Variants in CEP112 observed in about 807,000 individuals in gnomAD.
CEP112 encodes centrosomal protein 112, also known as centrosomal protein of 112 kDa.
A neutral mutation model predicts 153.0 loss-of-function variants in CEP112; 127 were observed. The observed-to-expected ratio is 0.83, with a 90% confidence interval of 0.72 to 0.96. The LOEUF is 0.96. Among genes scored for constraint, CEP112 ranks in the 40% least tolerant of loss-of-function variants. The probability of loss-of-function intolerance (pLI) is 0.00; values close to 1 mark genes in which losing one functional copy is unlikely to be tolerated. For synonymous variants in CEP112, 358 were observed against 374.4 expected (o/e 0.96, Z 0.51); for missense variants, 1,089 against 1,101.2 (o/e 0.99, Z 0.16).
chr17:65,893,339 T>C (rs747208591), intron 20 of CEP112, among the ~76,000 whole-genome samples: 63 of 152,138 alleles, frequency 4.1e-4, no homozygotes, highest in East Asian at 7.7e-4. Context: ...CTTGACTTCA[T>C]ACCTAAGCAA....
intron 16 of CEP112, among the ~76,000 whole-genome samples, chr17:66,007,945 T>A (rs1304254929): frequency 6.6e-6 from 1 of 152,194 alleles, no homozygotes; most frequent in Non-Finnish European, 1.5e-5. Flanking sequence ...TGCCGTTTTT[T>A]CCTGTTTCCT....
rs71293591 is a variant in CEP112 at position 66,038,110 on chromosome 17, A to AAAAAAGAAAAAG, written c.1219-8088_1219-8087insCTTTTTCTTTTT. Among the ~76,000 whole-genome samples the AAAAAAGAAAAAG allele has an allele frequency of 7.2e-4, 87 of 120,706 alleles. 3 individuals carry two copies. The South Asian group carries it at 0.019, about 27-fold the overall frequency. The allele number at this position is 120,706 out of a possible 152,430, so 79.2% of individuals were successfully genotyped here. On this transcript the variant is annotated intron_variant, in intron 12 of 26. Transcript: ENST00000535342. ...AGCAAGACTCTGTCTCAAAAAAAAA[A>AAAAAAGAAAAAG]AAAAGAAAAGAAAAGAAAAGAAAAA... is the stretch of plus-strand genomic sequence containing the variant.
intron 17 of CEP112, among the ~76,000 whole-genome samples, chr17:65,984,137 A>C (rs948565357): frequency 6.6e-6 from 1 of 151,626 alleles, no homozygotes; most frequent in Non-Finnish European, 1.5e-5. Flanking sequence ...ACCATAACTT[A>C]TTTAAAAATA....
intron 4 of CEP112, among the ~76,000 whole-genome samples, chr17:66,172,329 A>G (rs2072279179): frequency 2.0e-5 from 3 of 152,200 alleles, no homozygotes; most frequent in Admixed American, 2.0e-4. Flanking sequence ...AGAGTACTAA[A>G]GGAGTAAATG....
intron 18 of CEP112, among the ~76,000 whole-genome samples, chr17:65,953,784 C>T (rs376521624): frequency 3.3e-5 from 5 of 152,200 alleles, no homozygotes; most frequent in African/African-American, 1.2e-4. Context: ...CTCCCATCCC[C>T]CGCAGCAGTA....
At chr17:66,091,434 G>A (rs149919538) in intron 8 of CEP112, among the ~76,000 whole-genome samples, 1 of 152,124 alleles carries the variant, frequency 6.6e-6, no homozygotes, top group East Asian at 1.9e-4. Context: ...ACACACTCTT[G>A]AACAGCTACT....
At chr17:66,047,337 G>C (rs530800801) in intron 12 of CEP112, among the ~76,000 whole-genome samples, 3 of 152,070 alleles carry the variant, frequency 2.0e-5, no homozygotes. Context: ...GGCTGGTCTC[G>C]AACTCCTGAC....
At chr17:66,019,348 T>G (rs1378039154) in intron 16 of CEP112, among the ~76,000 whole-genome samples, 1 of 152,136 alleles carries the variant, frequency 6.6e-6, no homozygotes, top group Admixed American at 6.5e-5. Flanking sequence ...TACATCCCAT[T>G]TAGCTCTACA....
At chr17:65,876,171 C>A (rs1473219139) in intron 20 of CEP112, among the ~76,000 whole-genome samples, 5 of 152,186 alleles carry the variant, frequency 3.3e-5, no homozygotes, top group Admixed American at 3.3e-4. Context: ...TTCTCCTGGA[C>A]AAGATCCACT....
chr17:65,848,794 T>C (rs757010157), intron 21 of CEP112, among the ~76,000 whole-genome samples: 2 of 152,224 alleles, frequency 1.3e-5, no homozygotes, highest in Non-Finnish European at 2.9e-5. Context: ...GATCGATTTA[T>C]ATTTAACCAA....
intron 16 of CEP112, among the ~76,000 whole-genome samples, chr17:66,017,623 G>A (rs1389593846): frequency 6.6e-6 from 1 of 152,054 alleles, no homozygotes; most frequent in Non-Finnish European, 1.5e-5. Context: ...GGTGACATAA[G>A]TAAACACCAG....
At chr17:66,188,818 T>C (rs1174481802) in intron 1 of CEP112, among the ~76,000 whole-genome samples, 2 of 152,170 alleles carry the variant, frequency 1.3e-5, no homozygotes, top group Non-Finnish European at 2.9e-5. Flanking sequence ...TGTGAGATCA[T>C]AATGTTGAAA....
chr17:65,956,978 A>G (rs1245890686), intron 18 of CEP112, among the ~76,000 whole-genome samples: 1 of 152,146 alleles, frequency 6.6e-6, no homozygotes, highest in Non-Finnish European at 1.5e-5. Flanking sequence ...GGTAGGGTAT[A>G]CAGCATGGAT....
At chr17:65,741,119 T>C (rs12941664) in intron 23 of CEP112, among the ~76,000 whole-genome samples, 30,831 of 152,070 alleles carry the variant, frequency 0.2, 3,548 homozygotes, top group South Asian at 0.33. Context: ...GTTTCCCCAT[T>C]TGTAATATGG....
At chr17:65,889,790 T>C (rs2059400433) in intron 20 of CEP112, among the ~76,000 whole-genome samples, 1 of 152,046 alleles carries the variant, frequency 6.6e-6, no homozygotes, top group Admixed American at 6.6e-5. Context: ...CAAGGTCTGC[T>C]CTCTCTCCCT....
At chr17:65,669,666 G>A (rs1293301170) in intron 24 of CEP112, among the ~76,000 whole-genome samples, 1 of 152,138 alleles carries the variant, frequency 6.6e-6, no homozygotes, top group African/African-American at 2.4e-5. Context: ...CACTTTGGGG[G>A]GCCAAGGCGG....
At chr17:65,812,700 AC>A (rs1288245791) in intron 21 of CEP112, among the ~76,000 whole-genome samples, 1 of 152,232 alleles carries the variant, frequency 6.6e-6, no homozygotes, top group African/African-American at 2.4e-5. Flanking sequence ...ATAAAAGGCA[AC>A]CTTCTAAAAA....
chr17:65,752,842 G>A (rs2051971370), intron 21 of CEP112, among the ~76,000 whole-genome samples: 2 of 152,074 alleles, frequency 1.3e-5, no homozygotes, highest in Admixed American at 1.3e-4. Context: ...CAATGCTATT[G>A]ATTTCTTATG....
intron 17 of CEP112, among the ~76,000 whole-genome samples, chr17:65,964,158 G>A (rs56011510): frequency 0.48 from 73,268 of 152,008 alleles, 18,645 homozygotes; most frequent in East Asian, 0.89. Context: ...CTGGGACCTG[G>A]GTATCTTGTT....
Sources: allele counts gnomAD v4.1 joint callset (sites outside exome capture counted in the v4.1 genomes callset), GRCh38; gene constraint gnomAD v4.1.1; transcripts MANE v1.5; gene names NCBI Gene and HGNC (gene_info 2026-07-23, HGNC 2026-07-21).